CORO7: variants seen among roughly 807,000 people sequenced by gnomAD.
CORO7 encodes the protein coronin-7.
A neutral mutation model predicts 126.6 loss-of-function variants in CORO7; 107 were observed. The observed-to-expected ratio is 0.85, with a 90% CI of 0.72 to 0.99. The LOEUF (loss-of-function observed/expected upper bound fraction) is 0.99. CORO7 is among the 50% of genes least tolerant of loss of function. The pLI is 0.00. For synonymous variants in CORO7, 603 were observed against 536.8 expected, an observed-to-expected ratio of 1.12 and a Z score of -1.70; for missense variants, 1,314 against 1,255.8, an observed-to-expected ratio of 1.05 and a Z score of -0.70.
chr16:4,369,337 CTGGGT>C (rs767179533), intron 9 of CORO7, among the ~76,000 whole-genome samples: 2 of 152,240 alleles, frequency 1.3e-5, no homozygotes, highest in Non-Finnish European at 2.9e-5. Context: ...CAAGCTGGGT[CTGGGT>C]CTGGAACATG....
intron 6 of CORO7, among the ~76,000 whole-genome samples, chr16:4,404,294 C>T (rs544481887): frequency 1.3e-5 from 2 of 152,108 alleles, no homozygotes; most frequent in African/African-American, 2.4e-5. Flanking sequence ...GATGGGTGCC[C>T]TCATTCCCAG....
rs201150740 is a variant in CORO7 at position 4,359,630 on chromosome 16, G to A, written c.2109-9C>T. The stretch of plus-strand genomic sequence containing the variant: ...GCTGGCGCTCACTTTGGCTGCAAGG[G>A]GGTTTGGGGGCTGAAGCAGGTGTTT... On this transcript the variant is annotated splice_polypyrimidine_tract_variant and intron_variant, in intron 21 of 27. Transcript: ENST00000251166. 272 of 1,584,726 alleles carry A rather than the reference G, an allele frequency of 1.7e-4. No individual in the cohort carries two copies. The highest frequency in any genetic ancestry group is 2.2e-4 in the Non-Finnish European group (261 of 1,164,020).
At chr16:4,367,835 G>A (rs1167690040) in intron 9 of CORO7, among the ~76,000 whole-genome samples, 1 of 152,108 alleles carries the variant, frequency 6.6e-6, no homozygotes, top group Non-Finnish European at 1.5e-5. Context: ...GGGGCCTGGT[G>A]CATGTGGGGA....
intron 6 of CORO7, among the ~76,000 whole-genome samples, chr16:4,402,682 G>A (rs999823589): frequency 3.3e-5 from 5 of 152,162 alleles, no homozygotes; most frequent in Non-Finnish European, 5.9e-5. Context: ...AGCTTAACGC[G>A]GGGTCCAAAC....
chr16:4,378,415 G>T (rs998113707), intron 9 of CORO7, among the ~76,000 whole-genome samples: 2 of 152,032 alleles, frequency 1.3e-5, no homozygotes, highest in Non-Finnish European at 2.9e-5. Flanking sequence ...TCCTGACCCT[G>T]GTCTGGCCCT....
At position 4,362,534 on chromosome 16, in the gene CORO7, G is replaced by T; in HGVS notation, c.1402+78C>A. ...GCATGAGGCCTGTGCTCAGCAGTAG[G>T]GTACACAGGAGGATGACGGGGAGTG... On this transcript the variant is annotated intron_variant, in intron 15 of 27. Coordinates refer to ENST00000251166, the MANE Select transcript of CORO7 (RefSeq NM_024535.5). This position sits in a 1 kb window ranked among gnomAD's most constrained non-coding sequence, Gnocchi z 5.3. The T allele has an allele frequency of 1.4e-6, 2 of 1,473,464 alleles. No individual in the cohort carries two copies. Among genetic ancestry groups the T allele is most frequent in the South Asian group, 1.4e-5 (1 of 69,782 alleles). 91.3% of individuals were successfully genotyped at this position (1,473,464 alleles called of 1,614,324 possible).
intron 9 of CORO7, 101 bp downstream of exon 9, chr16:4,387,885 C>T (rs973923533): frequency 1.0e-5 from 15 of 1,465,736 alleles, no homozygotes; most frequent in South Asian, 8.5e-5. Context: ...CAGAACACCC[C>T]GGAGATCAGC....
chr16:4,362,898 C>T lies in CORO7; in HGVS notation c.1276-160G>A, dbSNP rs1465761064. ...GAGCGGCGGGGGGCACGGGCATAAA[C>T]GCAGACACACAGGGAAGCAGCCGAG... On this transcript the variant is annotated intron_variant, in intron 14 of 27. Transcript: ENST00000251166. This position sits in a 1 kb window ranked among gnomAD's most constrained non-coding sequence, Gnocchi z 5.3. The T allele has an allele frequency of 1.7e-5, 14 of 827,810 alleles. No individual in the cohort carries two copies. The highest frequency in any genetic ancestry group is 1.0e-4 in the East Asian group (3 of 29,872). The allele number at this position is 827,810 out of a possible 1,614,324, so 51.3% of individuals were successfully genotyped here.
intron 9 of CORO7, chr16:4,380,729 C>A: frequency 1.0e-6 from 1 of 967,758 alleles, no homozygotes. Context: ...GGTCGGGGCA[C>A]TGGCGACCTG....
At position 4,388,615 on chromosome 16, in the gene CORO7, T is replaced by C; in HGVS notation, c.632A>G (p.Glu211Gly). 6 of 1,612,350 alleles carry C rather than the reference T, an allele frequency of 3.7e-6. No homozygotes were observed. The highest frequency in any genetic ancestry group is 5.1e-6 in the Non-Finnish European group (6 of 1,179,576). The change falls in exon 8 of 28, where the codon GAG becomes GGG. Residue 211 changes from glutamate (E) to glycine (G), a missense_variant. Glu to Gly is a moderately conservative substitution (Grantham distance 98, BLOSUM62 -2). Coordinates refer to ENST00000251166, the MANE Select transcript of CORO7 (RefSeq NM_024535.5). ...PRASQSTQAHENSRDSRLAWM... is the reference protein window; with the variant it reads ...PRASQSTQAHGNSRDSRLAWM... ...TGCCAGCCGGCTATCCCTGCTGTTC[T>C]CATGGGCCTGCGTGCTCTGCAGGAG...
chr16:4,383,229 T>C, intron 9 of CORO7: 1 of 311,428 alleles, frequency 3.2e-6, no homozygotes, highest in East Asian at 5.6e-5. Context: ...GCTCTCCCAC[T>C]CCAGGCGGAC....
intron 6 of CORO7, among the ~76,000 whole-genome samples, chr16:4,403,289 G>C (rs2055880810): frequency 6.6e-6 from 1 of 152,174 alleles, no homozygotes; most frequent in Non-Finnish European, 1.5e-5. Flanking sequence ...GCTCCATACT[G>C]CCAGGGTTTC....
chr16:4,397,046 A>AAAC (rs963089711), intron 6 of CORO7, among the ~76,000 whole-genome samples: 2 of 151,794 alleles, frequency 1.3e-5, no homozygotes, highest in Non-Finnish European at 2.9e-5. Context: ...AAAGAAAGAA[A>AAAC]AACAACATCA....
At chr16:4,391,585 G>C (rs1289579024) in intron 7 of CORO7, among the ~76,000 whole-genome samples, 1 of 152,150 alleles carries the variant, frequency 6.6e-6, no homozygotes, top group East Asian at 1.9e-4. Context: ...AACCCAACTA[G>C]CTTGACGTGG....
At chr16:4,398,840 A>C (rs1331603773) in intron 6 of CORO7, among the ~76,000 whole-genome samples, 1 of 151,570 alleles carries the variant, frequency 6.6e-6, no homozygotes, top group Non-Finnish European at 1.5e-5. Flanking sequence ...TGGTGGTGTG[A>C]GACTGTGTTC....
At chr16:4,369,831 T>A (rs2054464890) in intron 9 of CORO7, among the ~76,000 whole-genome samples, 4 of 151,942 alleles carry the variant, frequency 2.6e-5, no homozygotes, top group Admixed American at 2.0e-4. Flanking sequence ...TTAGTTAGGA[T>A]CCTTTGACCC....
At chr16:4,365,644 G>A in intron 9 of CORO7, 99 bp from the exon 10 acceptor site, 1 of 1,478,958 alleles carries the variant, frequency 6.8e-7, no homozygotes. Flanking sequence ...CAGTGACTGG[G>A]AGCCGCTTGG....
rs976873641 is a variant in CORO7 at position 4,354,915 on chromosome 16, C to T, written c.*243G>A. ...ATGCTGCTGACCCCCCGCCACCCTG[C>T]ACCCCTGGCCACATGCTAGCGGGCA... On this transcript the variant is annotated 3_prime_UTR_variant, in exon 28 of 28. Coordinates refer to ENST00000251166, the MANE Select transcript of CORO7 (RefSeq NM_024535.5). The T allele has an allele frequency of 2.4e-5, 11 of 451,366 alleles. No homozygotes were observed. In the Admixed American group the frequency reaches 3.0e-4, roughly 12 times the overall value. The allele number at this position is 451,366 out of a possible 1,614,324, so 28.0% of individuals were successfully genotyped here.
chr16:4,384,402 C>T (rs1476762480), intron 9 of CORO7, among the ~76,000 whole-genome samples: 2 of 152,198 alleles, frequency 1.3e-5, no homozygotes, highest in African/African-American at 2.4e-5. Context: ...ACACACAGCA[C>T]CTTTTCCTGT....
Sources: allele counts gnomAD v4.1 joint callset (sites outside exome capture counted in the v4.1 genomes callset), GRCh38; gene constraint gnomAD v4.1.1; non-coding constraint Gnocchi (gnomAD v3.1); transcripts MANE v1.5; gene names NCBI Gene and HGNC (gene_info 2026-07-23, HGNC 2026-07-21).